Variants in VPS8 observed in about 807,000 individuals in gnomAD.
VPS8 encodes the protein vacuolar protein sorting-associated protein 8 homolog.
Under a neutral mutation model 216.4 loss-of-function variants are expected in VPS8, and 129 were observed. The ratio of observed to expected loss-of-function variants is 0.60; its 90% CI spans 0.52 to 0.69. VPS8 has a LOEUF of 0.69. VPS8 is among the 30% of genes least tolerant of loss of function. VPS8 has a pLI of 0.00. For synonymous variants in VPS8, 571 were observed against 565.4 expected (o/e 1.01, Z -0.14); for missense variants, 1,531 against 1,683.5 (o/e 0.91, Z 1.59).
intron 6 of VPS8, 98 bp downstream of exon 6, chr3:184,838,844 G>T: frequency 1.0e-6 from 1 of 955,610 alleles, no homozygotes; most frequent in Non-Finnish European, 1.5e-6. Context: ...AAGTTGTTAT[G>T]GTAATAAATT....
chr3:184,873,825 A>G (rs984301011), intron 21 of VPS8, among the ~76,000 whole-genome samples: 1 of 152,184 alleles, frequency 6.6e-6, no homozygotes, highest in African/African-American at 2.4e-5. Flanking sequence ...TGTTGAAACA[A>G]TCTGGGCCAA....
At chr3:184,961,812 G>A (rs1746576490) in intron 37 of VPS8, among the ~76,000 whole-genome samples, 1 of 150,506 alleles carries the variant, frequency 6.6e-6, no homozygotes, top group Admixed American at 6.6e-5. Context: ...TGTCACCCAG[G>A]CTGGAGTGCA....
chr3:185,009,745 C>G (rs1387028615), intron 45 of VPS8, among the ~76,000 whole-genome samples: 1 of 151,984 alleles, frequency 6.6e-6, no homozygotes, highest in East Asian at 1.9e-4. Context: ...AAATTACTCC[C>G]TGGAGAAAGT....
At position 184,868,951 on chromosome 3, in the gene VPS8, G is replaced by A. The variant is rs1159318275; in HGVS notation, c.1512G>A (p.Val504=). Residue 504 remains valine, a synonymous_variant, in exon 19 of 48, where the codon GTG becomes GTA. Coordinates refer to ENST00000625842, the MANE Select transcript of VPS8 (RefSeq NM_001009921.3). ...VMMLRSWRER[V]DHLLKQDCLT... is the part of the protein sequence containing the mutation. ...CTCTCATTTTTCCGTTTTAGAGAGTGGATCATCTCCTGAAACAAGATTGTC... is the reference window on the plus strand; with the variant it reads ...CTCTCATTTTTCCGTTTTAGAGAGTAGATCATCTCCTGAAACAAGATTGTC... 3 of 1,607,092 alleles carry A rather than the reference G, an allele frequency of 1.9e-6. No homozygotes were observed. In the Admixed American group the frequency reaches 5.1e-5, roughly 27 times the overall value.
chr3:185,009,611 CG>C (rs1051662858), intron 45 of VPS8, among the ~76,000 whole-genome samples: 1 of 151,752 alleles, frequency 6.6e-6, no homozygotes, highest in African/African-American at 2.4e-5. Context: ...GAGTTTTTTG[CG>C]GGGGGTAGGG....
chr3:184,868,949 G>T lies in VPS8; in HGVS notation c.1510G>T (p.Val504Leu). 1 of 1,606,568 alleles carries T rather than the reference G, an allele frequency of 6.2e-7. No individual in the cohort carries two copies. The highest frequency in any genetic ancestry group is 8.5e-7 in the Non-Finnish European group (1 of 1,176,532). ...VMMLRSWRER[V>L]DHLLKQDCLT... is the part of the protein sequence containing the mutation. ...TTCTCTCATTTTTCCGTTTTAGAGA[G>T]TGGATCATCTCCTGAAACAAGATTG... Residue 504 changes from valine (V) to leucine (L), a missense_variant, in exon 19 of 48, where the codon GTG (valine) becomes TTG (leucine). Val to Leu is a conservative substitution (Grantham distance 32). Transcript: ENST00000625842.
chr3:184,839,111 A>G (rs1721644264), intron 6 of VPS8: 1 of 213,506 alleles, frequency 4.7e-6, no homozygotes, highest in Non-Finnish European at 9.2e-6. Context: ...TAGTACATTT[A>G]ACAGCTCTGG....
intron 45 of VPS8, among the ~76,000 whole-genome samples, chr3:185,013,391 G>A (rs1025833806): frequency 6.6e-6 from 1 of 152,190 alleles, no homozygotes; most frequent in Admixed American, 6.5e-5. Flanking sequence ...ACTATACAAA[G>A]ACAACACAGA....
intron 28 of VPS8, 119 bp from the exon 29 acceptor site, chr3:184,920,008 G>T: frequency 1.4e-6 from 1 of 720,116 alleles, no homozygotes; most frequent in Non-Finnish European, 2.3e-6. Flanking sequence ...AAAACCTAAT[G>T]AGGAATAGTT....
At chr3:185,051,157 A>G (rs1714146522) in intron 47 of VPS8, among the ~76,000 whole-genome samples, 1 of 152,152 alleles carries the variant, frequency 6.6e-6, no homozygotes, top group African/African-American at 2.4e-5. Context: ...CCTGAGTGGC[A>G]GAGCACTGGC....
At chr3:184,846,454 A>C (rs1295410770) in intron 8 of VPS8, among the ~76,000 whole-genome samples, 1 of 152,058 alleles carries the variant, frequency 6.6e-6, no homozygotes, top group Non-Finnish European at 1.5e-5. Flanking sequence ...TCTTCATGGC[A>C]CCCTTATTCT....
chr3:184,997,830 C>A (rs1276216108), intron 44 of VPS8, among the ~76,000 whole-genome samples: 1 of 152,078 alleles, frequency 6.6e-6, no homozygotes, highest in African/African-American at 2.4e-5. Flanking sequence ...ATAATAGTTA[C>A]ATGAATAAAA....
At chr3:184,924,634 C>A (rs563557213) in intron 29 of VPS8, among the ~76,000 whole-genome samples, 1 of 152,244 alleles carries the variant, frequency 6.6e-6, no homozygotes. Flanking sequence ...CAGGTCTCAT[C>A]CGAATTGTGA....
chr3:184,965,631 G>C (rs1702879064), intron 38 of VPS8, among the ~76,000 whole-genome samples: 1 of 152,208 alleles, frequency 6.6e-6, no homozygotes, highest in Non-Finnish European at 1.5e-5. Flanking sequence ...AAGAATTGTA[G>C]CTAGTCTTCT....
chr3:184,895,605 C>T (rs1733256214), intron 23 of VPS8, among the ~76,000 whole-genome samples: 1 of 33,172 alleles, frequency 3.0e-5, no homozygotes, highest in Non-Finnish European at 7.2e-5. Flanking sequence ...CTCCTCCCCC[C>T]CTCCTCCTCC....
At chr3:185,041,560 A>G (rs1477193672) in intron 46 of VPS8, among the ~76,000 whole-genome samples, 1 of 152,036 alleles carries the variant, frequency 6.6e-6, no homozygotes, top group Non-Finnish European at 1.5e-5. Context: ...CCCCTCCAAC[A>G]TGTTTCCTGA....
At chr3:184,929,768 A>G in intron 33 of VPS8, 104 bp downstream of exon 33, 2 of 596,416 alleles carry the variant, frequency 3.4e-6, no homozygotes, top group Non-Finnish European at 5.5e-6. Flanking sequence ...TATGAGCCAA[A>G]TACACATTGA....
At chr3:184,888,699 A>C (rs1731766951) in intron 22 of VPS8, among the ~76,000 whole-genome samples, 1 of 152,200 alleles carries the variant, frequency 6.6e-6, no homozygotes, top group Admixed American at 6.5e-5. Flanking sequence ...TAAGTACTGG[A>C]ATCAACTCTG....
intron 8 of VPS8, among the ~76,000 whole-genome samples, chr3:184,845,122 G>C (rs564755265): frequency 2.8e-4 from 43 of 152,288 alleles, no homozygotes; most frequent in African/African-American, 1.0e-3. Flanking sequence ...GTAGACAAAG[G>C]AGACTTCAGA....
Sources: allele counts gnomAD v4.1 joint callset (sites outside exome capture counted in the v4.1 genomes callset), GRCh38; gene constraint gnomAD v4.1.1; transcripts MANE v1.5; gene names NCBI Gene and HGNC (gene_info 2026-07-23, HGNC 2026-07-21).